ABCC12: variants seen among roughly 807,000 people sequenced by gnomAD.
The protein encoded by ABCC12 is ATP binding cassette subfamily C member 12, also known as ATP-binding cassette sub-family C member 12.
Under a neutral mutation model 151.1 loss-of-function variants are expected in ABCC12, and 142 were observed. The observed-to-expected ratio is 0.94, with a 90% CI of 0.82 to 1.08. The LOEUF (loss-of-function observed/expected upper bound fraction) is 1.08, where lower values mean the gene tolerates loss of function less well. Among genes scored for constraint, ABCC12 ranks in the 50% least tolerant of loss-of-function variants. The probability of loss-of-function intolerance (pLI) is 0.00; values close to 1 mark genes in which losing one functional copy is unlikely to be tolerated. For missense variants in ABCC12, 1,638 were observed against 1,691.1 expected, an observed-to-expected ratio of 0.97 and a Z score of 0.55; for synonymous variants, 645 against 646.4, an observed-to-expected ratio of 1.00 and a Z score of 0.03.
chr16:48,130,796 T>C lies in ABCC12; in HGVS notation c.1228A>G (p.Arg410Gly), dbSNP rs1964395986. Residue 410 changes from arginine to glycine, a missense_variant, in exon 10 of 31, where the codon AGA (arginine) becomes GGA (glycine). Physicochemically the swap from Arg to Gly is moderately radical, Grantham distance 125. Coordinates refer to ENST00000311303, the MANE Select transcript of ABCC12 (RefSeq NM_001393797.1). ...CCCAGGGTTAGTTATACCTTCATTCTCCTTAGAGAGACATTCGCTTCAGCC... is the reference window on the plus strand; with the variant it reads ...CCCAGGGTTAGTTATACCTTCATTCCCCTTAGAGAGACATTCGCTTCAGCC... ...AMAEANVSLR[R>G]MKKILIDKSP... 1 of 1,610,070 alleles carries C rather than the reference T, an allele frequency of 6.2e-7. No individual in the cohort carries two copies. Among genetic ancestry groups the C allele is most frequent in the Non-Finnish European group, 8.5e-7 (1 of 1,176,408 alleles).
intron 26 of ABCC12, 130 bp downstream of exon 26, chr16:48,088,415 A>C: frequency 9.3e-7 from 1 of 1,078,990 alleles, no homozygotes; most frequent in Non-Finnish European, 1.3e-6. Context: ...TTTACAGTAA[A>C]GAGATTTGAG....
rs200272726 is a variant in ABCC12, at chr16:48,088,055, C to T, written c.3506G>A (p.Arg1169His). 1.4e-4 allele frequency: 233 copies of T among 1,614,040 alleles called. 1 individual carries two copies. Among genetic ancestry groups the T allele is most frequent in the Middle Eastern group, 3.3e-4 (2 of 6,062 alleles). The change falls in exon 27 of 31, where the codon CGT (arginine) becomes CAT (histidine). Residue 1169 changes from arginine to histidine, a missense_variant. Transcript: ENST00000311303. ...GKSSLGMALF[R>H]LVEPASGTIF... is the part of the protein sequence containing the mutation. ...TGTGCCACTGGCTGGCTCCACCAGA[C>T]GAAACAAAGCCATTCCTAACGATGA... is the stretch of plus-strand genomic sequence containing the variant.
intron 4 of ABCC12, among the ~76,000 whole-genome samples, chr16:48,142,991 T>G (rs1450694608): frequency 1.3e-5 from 2 of 152,204 alleles, no homozygotes; most frequent in Non-Finnish European, 2.9e-5. Flanking sequence ...GAGAGATCCT[T>G]CCACGGCTTA....
At chr16:48,121,954 A>G in intron 12 of ABCC12, 114 bp from the exon 13 acceptor site, 1 of 1,480,746 alleles carries the variant, frequency 6.8e-7, no homozygotes, top group Non-Finnish European at 9.1e-7. Flanking sequence ...TGAAGGCACA[A>G]AAGCGTTGAC....
At chr16:48,135,139 G>T (rs1000519601) in intron 8 of ABCC12, among the ~76,000 whole-genome samples, 2 of 151,564 alleles carry the variant, frequency 1.3e-5, no homozygotes, top group Non-Finnish European at 2.9e-5. Context: ...CTGTAACTTC[G>T]CTTTCCTGAA....
intron 24 of ABCC12, among the ~76,000 whole-genome samples, chr16:48,091,615 A>G (rs1323580543): frequency 6.6e-6 from 1 of 152,144 alleles, no homozygotes; most frequent in Non-Finnish European, 1.5e-5. Context: ...CCCTTGCTCA[A>G]AAAACAACTG....
In ABCC12 at chr16:48,144,124, C is replaced by T. The variant is rs1964921257; in HGVS notation, c.120-59G>A. 6.4e-6 allele frequency: 10 copies of T among 1,557,392 alleles called. No homozygotes were observed. The South Asian group carries it at 1.2e-4, about 19-fold the overall frequency. The stretch of plus-strand genomic sequence containing the variant: ...ACTGGGGTCATTGCCCCAACTCTCT[C>T]TCTGGATTGAACTTGTAACTACAGC... On this transcript the variant is annotated intron_variant, in intron 3 of 30. Transcript: ENST00000311303.
At chr16:48,091,388 G>A in intron 24 of ABCC12, 179 bp from the exon 25 acceptor site, 1 of 614,198 alleles carries the variant, frequency 1.6e-6, no homozygotes, top group Non-Finnish European at 2.9e-6. Flanking sequence ...CTGTTCGGGT[G>A]TTTTGCCTTT....
intron 19 of ABCC12, 74 bp from the exon 20 acceptor site, chr16:48,107,499 C>T: frequency 7.6e-7 from 1 of 1,313,266 alleles, no homozygotes; most frequent in Non-Finnish European, 1.1e-6. Context: ...CCTCAGGACC[C>T]AACCCTGATG....
In ABCC12 at chr16:48,088,523, CAA is replaced by C; in HGVS notation, c.3475+20_3475+21del. The stretch of plus-strand genomic sequence containing the variant: ...TCCAAAGAAAACAACCCAAAAGAAA[CAA>C]AAGCAGAGCTTGTCCTCACCGGAAC... On this transcript the variant is annotated intron_variant, in intron 26 of 30. Coordinates refer to ENST00000311303, the MANE Select transcript of ABCC12 (RefSeq NM_001393797.1). 1 of 1,602,726 alleles carries C rather than the reference CAA, an allele frequency of 6.2e-7. No individual in the cohort carries two copies. The highest frequency in any genetic ancestry group is 1.1e-5 in the South Asian group (1 of 89,568).
rs751500861 is a variant in ABCC12, at chr16:48,100,999, T to C, written c.2911A>G (p.Arg971Gly). The change falls in exon 23 of 31, where the codon AGA (arginine) becomes GGA (glycine). Residue 971 changes from arginine (R) to glycine (G), a missense_variant. By Grantham distance (125) the Arg-to-Gly change is moderately radical. Transcript: ENST00000311303. ...GFFILLRIFHRGVQELKKVEN... is the reference protein window; with the variant it reads ...GFFILLRIFHGGVQELKKVEN... ...ACCTTCTTGAGCTCCTGGACTCCTC[T>C]GTGGAAAATGCTGGAAGAAAATTGA... 1.9e-6 allele frequency: 3 copies of C among 1,614,088 alleles called. No individual in the cohort carries two copies. The highest frequency in any genetic ancestry group is 2.2e-5 in the South Asian group (2 of 91,054).
At chr16:48,101,172 T>C (rs1296298184) in intron 22 of ABCC12, among the ~76,000 whole-genome samples, 163 bp from the exon 23 acceptor site, 1 of 152,198 alleles carries the variant, frequency 6.6e-6, no homozygotes, top group Non-Finnish European at 1.5e-5. Context: ...CAGTGGTGCC[T>C]GCCCCAGGTG....
chr16:48,133,196 G>A (rs537051907), intron 9 of ABCC12, among the ~76,000 whole-genome samples: 8 of 152,138 alleles, frequency 5.3e-5, no homozygotes, highest in Admixed American at 2.6e-4. Flanking sequence ...AGGCTCTCCC[G>A]GGCCCCTTGT....
intron 9 of ABCC12, among the ~76,000 whole-genome samples, chr16:48,133,001 A>G (rs547109753): frequency 6.6e-6 from 1 of 152,198 alleles, no homozygotes; most frequent in East Asian, 1.9e-4. Flanking sequence ...CAACACCACT[A>G]CTTCTCTTAA....
In ABCC12 at chr16:48,111,620, T is replaced by C. The variant is rs770029662; in HGVS notation, c.2167A>G (p.Lys723Glu). The C allele has an allele frequency of 6.2e-7, 1 of 1,614,156 alleles. No homozygotes were observed. Among genetic ancestry groups the C allele is most frequent in the Non-Finnish European group, 8.5e-7 (1 of 1,180,026 alleles). ...TCCTCTCTCTCAGCAGGGCTCTCCT[T>C]GAAGGCTTCCACCATTGCTGCATTG... is the stretch of plus-strand genomic sequence containing the variant. ...LYNAAMVEAF[K>E]ESPAEREEDA... The change falls in exon 17 of 31, where the codon AAG becomes GAG. Residue 723 changes from lysine to glutamate, a missense_variant. Lys to Glu is a moderately conservative substitution (Grantham distance 56, BLOSUM62 1). Transcript: ENST00000311303.
chr16:48,110,959 C>G (rs1441682518), intron 18 of ABCC12, among the ~76,000 whole-genome samples: 1 of 152,134 alleles, frequency 6.6e-6, no homozygotes, highest in Non-Finnish European at 1.5e-5. Context: ...GAATAATAAC[C>G]TTATCCCACC....
intron 2 of ABCC12, among the ~76,000 whole-genome samples, chr16:48,151,082 A>G (rs1397603800): frequency 1.3e-5 from 2 of 152,092 alleles, no homozygotes; most frequent in Admixed American, 1.3e-4. Flanking sequence ...ACCATATGGA[A>G]AAGGAAAAAA....
At position 48,085,615 on chromosome 16, in the gene ABCC12, C is replaced by A. The variant is rs139931213; in HGVS notation, c.3806G>T (p.Arg1269Leu). The A allele has an allele frequency of 1.9e-6, 3 of 1,614,060 alleles. No individual in the cohort carries two copies. Among genetic ancestry groups the A allele is most frequent in the Non-Finnish European group, 2.5e-6 (3 of 1,179,988 alleles). ...TACCTTTGAATTACGGAGAAGAGCT[C>A]GGGCCACACAAAGCAGCTGACGTTC... The part of the protein sequence containing the change: ...VGERQLLCVA[R>L]ALLRNSKIIL... The change falls in exon 29 of 31, where the codon CGA becomes CTA. Residue 1269 changes from arginine to leucine, a missense_variant. Arg to Leu is a moderately radical substitution (Grantham distance 102, BLOSUM62 -2). Transcript: ENST00000311303.
intron 14 of ABCC12, 68 bp downstream of exon 14, chr16:48,117,193 A>C (rs1167635127): frequency 6.8e-7 from 1 of 1,466,636 alleles, no homozygotes; most frequent in African/African-American, 1.4e-5. Flanking sequence ...TGCTGGCCTC[A>C]GCCCTTTGGA....
Sources: gnomAD v4.1 joint callset for allele counts (sites outside exome capture counted in the v4.1 genomes callset) on GRCh38, gnomAD v4.1.1 for gene constraint, MANE v1.5 for transcripts, NCBI Gene and HGNC (gene_info 2026-07-23, HGNC 2026-07-21) for gene names.